Variants in PTPRT observed in about 807,000 individuals in gnomAD.
The protein encoded by PTPRT is protein tyrosine phosphatase receptor type T, also known as receptor-type tyrosine-protein phosphatase T.
PTPRT carries 56 observed loss-of-function variants against 176.8 expected under a neutral mutation model. The ratio of observed to expected loss-of-function variants is 0.32; its 90% CI spans 0.26 to 0.40. The LOEUF (loss-of-function observed/expected upper bound fraction) is 0.40. Among genes scored for constraint, PTPRT ranks in the 10% least tolerant of loss-of-function variants. The pLI is 1.00. For synonymous variants in PTPRT, 783 were observed against 739.0 expected (o/e 1.06, Z -0.96); for missense variants, 1,540 against 1,908.2 (o/e 0.81, Z 3.60).
At chr20:42,700,419 C>T (rs555737459) in intron 6 of PTPRT, among the ~76,000 whole-genome samples, 5 of 151,022 alleles carry the variant, frequency 3.3e-5, no homozygotes, top group Admixed American at 1.3e-4. Context: ...AGGAAACAGA[C>T]GCAGAGCGCC....
chr20:43,070,299 G>A (rs553686319), intron 1 of PTPRT, among the ~76,000 whole-genome samples: 12 of 152,084 alleles, frequency 7.9e-5, no homozygotes, highest in African/African-American at 2.9e-4. Flanking sequence ...CAATTAGAAT[G>A]GCGATCATTA....
intron 1 of PTPRT, among the ~76,000 whole-genome samples, chr20:43,111,375 T>C (rs1275985785): frequency 1.4e-5 from 2 of 144,478 alleles, no homozygotes; most frequent in African/African-American, 5.1e-5. Flanking sequence ...CCGTCTCTGC[T>C]AAAAAAAAAA....
rs761140811 is a variant in PTPRT at position 42,677,862 on chromosome 20, T to G, written c.1153+4A>C. Reference sequence around the variant, plus strand: ...ATGGAGCCTGGGAAAAAAAAAAATCTTACCTGCACACTTGGTCCTGGTGGT... The same window carrying G: ...ATGGAGCCTGGGAAAAAAAAAAATCGTACCTGCACACTTGGTCCTGGTGGT... On this transcript the variant is annotated splice_donor_region_variant and intron_variant, in intron 7 of 30. Transcript: ENST00000373187. 8.8e-6 allele frequency: 14 copies of G among 1,596,272 alleles called. No homozygotes were observed. Among genetic ancestry groups the G allele is most frequent in the African/African-American group, 1.4e-5 (1 of 73,606 alleles).
At chr20:42,422,943 A>C (rs183017117) in intron 9 of PTPRT, among the ~76,000 whole-genome samples, 44 of 152,254 alleles carry the variant, frequency 2.9e-4, no homozygotes, top group Middle Eastern at 6.8e-3. Context: ...CTAACACAGA[A>C]ACAGAAAACC....
intron 7 of PTPRT, among the ~76,000 whole-genome samples, chr20:42,671,490 C>G (rs2075412411): frequency 6.6e-6 from 1 of 152,194 alleles, no homozygotes; most frequent in African/African-American, 2.4e-5. Flanking sequence ...ACAAGAGAGT[C>G]TCTGAGATCC....
At chr20:42,510,202 C>G (rs80354916) in intron 7 of PTPRT, among the ~76,000 whole-genome samples, 2,504 of 152,092 alleles carry the variant, frequency 0.016, 68 homozygotes, top group African/African-American at 0.058. Flanking sequence ...AAGTTCAGGG[C>G]CCCGTTGTGT....
intron 1 of PTPRT, among the ~76,000 whole-genome samples, chr20:42,974,019 G>A (rs1982803619): frequency 6.6e-6 from 1 of 152,074 alleles, no homozygotes; most frequent in Admixed American, 6.6e-5. Context: ...TGAAAGCAGG[G>A]TAATCCCAGG....
intron 1 of PTPRT, among the ~76,000 whole-genome samples, chr20:43,020,651 T>G (rs773237855): frequency 1.6e-4 from 24 of 152,242 alleles, no homozygotes; most frequent in Non-Finnish European, 3.1e-4. Context: ...CGGCCTGCCC[T>G]AAGCATGCTG....
At chr20:42,864,576 A>C (rs975515879) in intron 2 of PTPRT, among the ~76,000 whole-genome samples, 3 of 152,166 alleles carry the variant, frequency 2.0e-5, no homozygotes, top group African/African-American at 7.2e-5. Flanking sequence ...CATGACCTTC[A>C]TTTTATAAGT....
At chr20:43,141,668 G>A (rs527804661) in intron 1 of PTPRT, among the ~76,000 whole-genome samples, 1 of 152,268 alleles carries the variant, frequency 6.6e-6, no homozygotes, top group South Asian at 2.1e-4. Flanking sequence ...ATGGACAGAT[G>A]GTAAGGGGAA....
At chr20:43,085,074 C>T (rs1222106989) in intron 1 of PTPRT, among the ~76,000 whole-genome samples, 2 of 152,166 alleles carry the variant, frequency 1.3e-5, no homozygotes, top group Admixed American at 6.5e-5. Context: ...TGTTGAATTA[C>T]TGAAGAAATT....
intron 7 of PTPRT, among the ~76,000 whole-genome samples, chr20:42,673,241 G>C (rs188048912): frequency 6.0e-4 from 91 of 152,252 alleles, no homozygotes; most frequent in African/African-American, 2.1e-3. Flanking sequence ...CTACATCTCA[G>C]AGCTGCTGCA....
intron 7 of PTPRT, among the ~76,000 whole-genome samples, chr20:42,619,146 A>T (rs977838578): frequency 2.0e-5 from 3 of 150,646 alleles, no homozygotes; most frequent in Admixed American, 2.0e-4. Flanking sequence ...GTGGTGACAA[A>T]ATGTCTCAGC....
At chr20:42,424,830 C>T (rs2059148513) in intron 9 of PTPRT, among the ~76,000 whole-genome samples, 1 of 148,594 alleles carries the variant, frequency 6.7e-6, no homozygotes, top group Admixed American at 6.8e-5. Context: ...ATCTAGGATG[C>T]CTTTAAGGTA....
chr20:42,917,897 C>A (rs1978882694), intron 1 of PTPRT, among the ~76,000 whole-genome samples: 1 of 152,132 alleles, frequency 6.6e-6, no homozygotes, highest in Non-Finnish European at 1.5e-5. Flanking sequence ...TGTTAAAAAC[C>A]TTTACTCTTT....
intron 7 of PTPRT, among the ~76,000 whole-genome samples, chr20:42,560,350 A>T (rs2072931904): frequency 6.6e-6 from 1 of 152,158 alleles, no homozygotes; most frequent in African/African-American, 2.4e-5. Context: ...ACATTCTCCT[A>T]CAGCAGCATT....
intron 1 of PTPRT, among the ~76,000 whole-genome samples, chr20:43,149,367 C>T (rs1427862805): frequency 6.6e-6 from 1 of 152,160 alleles, no homozygotes; most frequent in African/African-American, 2.4e-5. Flanking sequence ...TAGGTTAATT[C>T]TATTCACTGG....
the PTPRT span, among the ~76,000 whole-genome samples, chr20:42,059,546 A>G: frequency 1.9e-4 from 29 of 152,184 alleles, no homozygotes; most frequent in African/African-American, 7.0e-4. Context: ...TTGACCTATA[A>G]AAAAGGCAGT....
intron 9 of PTPRT, among the ~76,000 whole-genome samples, chr20:42,365,237 C>G (rs527536054): frequency 6.6e-6 from 1 of 152,180 alleles, no homozygotes; most frequent in African/African-American, 2.4e-5. Flanking sequence ...CGGCTAGCCA[C>G]ATTTTGAGTG....
Sources: gnomAD v4.1 joint callset for allele counts (sites outside exome capture counted in the v4.1 genomes callset) on GRCh38, gnomAD v4.1.1 for gene constraint, MANE v1.5 for transcripts, NCBI Gene and HGNC (gene_info 2026-07-23, HGNC 2026-07-21) for gene names.